The following AK4 variants were observed in gnomAD, a reference collection of about 807,000 sequenced individuals.
AK4 encodes adenylate kinase 4, also known as adenylate kinase 4, mitochondrial.
A neutral mutation model predicts 24.6 loss-of-function variants in AK4; 13 were observed. The ratio of observed to expected loss-of-function variants is 0.53; its 90% confidence interval spans 0.34 to 0.84. AK4 has a LOEUF of 0.84. Ranked by LOEUF, AK4 falls within the 40% of genes least tolerant of loss-of-function variation. AK4 has a pLI of 0.01. For synonymous variants in AK4, 88 were observed against 107.0 expected, an observed-to-expected ratio of 0.82 and a Z score of 1.10; for missense variants, 192 against 288.2, an observed-to-expected ratio of 0.67 and a Z score of 2.42.
intron 1 of AK4, 102 bp downstream of exon 1, chr1:65,148,654 C>T (rs1649654429): frequency 1.4e-6 from 2 of 1,411,498 alleles, no homozygotes; most frequent in African/African-American, 1.5e-5. Context: ...TTCCCCCGCC[C>T]GCGTGTGGTC....
At chr1:65,207,035 C>T (rs1027736386) in intron 2 of AK4, among the ~76,000 whole-genome samples, 5 of 152,190 alleles carry the variant, frequency 3.3e-5, no homozygotes, top group Non-Finnish European at 7.3e-5. Flanking sequence ...CCAAGAATTC[C>T]TACCTGAAAG....
chr1:65,211,537 T>C (rs1168970075), intron 2 of AK4, among the ~76,000 whole-genome samples: 3 of 152,240 alleles, frequency 2.0e-5, no homozygotes, highest in Non-Finnish European at 4.4e-5. Flanking sequence ...TAGCACTTGA[T>C]TTAAAGCTAG....
intron 1 of AK4, among the ~76,000 whole-genome samples, chr1:65,172,063 G>GTGTATATATATATATA (rs1433940516): frequency 9.1e-5 from 6 of 65,768 alleles, no homozygotes; most frequent in Admixed American, 1.8e-4. Flanking sequence ...TCCATCTCAA[G>GTGTATATATATATATA]TATATATATA....
chr1:65,199,558 C>G (rs1200304917), intron 2 of AK4, among the ~76,000 whole-genome samples: 1 of 150,300 alleles, frequency 6.7e-6, no homozygotes, highest in East Asian at 1.9e-4. Context: ...GACTCCATCT[C>G]AAAAAAGAAA....
chr1:65,226,062 G>A lies in AK4; in HGVS notation c.558-1G>A. On this transcript the variant is annotated splice_acceptor_variant, in intron 4 of 4. Coordinates refer to ENST00000327299, the MANE Select transcript of AK4 (RefSeq NM_013410.4). LOFTEE classifies it high-confidence loss of function. ...ATTGTATGTTGGGCTTTGTTTTTCA[G>A]GAGCCGAGGAGTGCTCCACCAATTT... The A allele has an allele frequency of 6.2e-7, 1 of 1,611,976 alleles. No homozygotes were observed.
At chr1:65,152,352 CTCTCTCTCTATATATA>C (rs1252344768) in intron 1 of AK4, among the ~76,000 whole-genome samples, 19 of 42,836 alleles carry the variant, frequency 4.4e-4, no homozygotes, top group East Asian at 2.2e-3. Context: ...CTCTCTCTCT[CTCTCTCTCTATATATA>C]TATATATATA....
intron 1 of AK4, among the ~76,000 whole-genome samples, chr1:65,164,468 A>T (rs991126428): frequency 6.6e-6 from 1 of 152,156 alleles, no homozygotes; most frequent in Non-Finnish European, 1.5e-5. Context: ...TATTGAGTAT[A>T]AAGTGGTGTT....
intron 1 of AK4, among the ~76,000 whole-genome samples, chr1:65,157,940 A>C (rs1487977712): frequency 6.6e-6 from 1 of 152,210 alleles, no homozygotes; most frequent in Non-Finnish European, 1.5e-5. Context: ...CAGCTACAAA[A>C]AGATGGCATG....
chr1:65,200,820 C>A (rs181647592), intron 2 of AK4, among the ~76,000 whole-genome samples: 1 of 148,230 alleles, frequency 6.7e-6, no homozygotes, highest in Non-Finnish European at 1.5e-5. Flanking sequence ...TTTTTTGAGA[C>A]GGAGTCTCGC....
chr1:65,223,681 C>T (rs924232192), intron 3 of AK4, among the ~76,000 whole-genome samples: 7 of 151,994 alleles, frequency 4.6e-5, no homozygotes, highest in Non-Finnish European at 2.9e-5. Context: ...TGCAGAAAAT[C>T]ATATACATTT....
chr1:65,177,453 C>A (rs1168752127), intron 1 of AK4, among the ~76,000 whole-genome samples: 1 of 152,184 alleles, frequency 6.6e-6, no homozygotes, highest in Non-Finnish European at 1.5e-5. Flanking sequence ...CACACAGACA[C>A]CCAGAGGAGA....
chr1:65,158,655 C>G (rs1650054047), intron 1 of AK4, among the ~76,000 whole-genome samples: 1 of 152,072 alleles, frequency 6.6e-6, no homozygotes, highest in African/African-American at 2.4e-5. Flanking sequence ...CTCCTGCCAC[C>G]ATGACCTGCT....
At chr1:65,190,302 T>C (rs1287961074) in intron 1 of AK4, among the ~76,000 whole-genome samples, 2 of 151,772 alleles carry the variant, frequency 1.3e-5, no homozygotes, top group Non-Finnish European at 1.5e-5. Flanking sequence ...TTGCCCAGGC[T>C]GGCATTCAGT....
chr1:65,148,406 C>G lies in AK4; in HGVS notation c.-2C>G. 1 of 1,537,418 alleles carries G rather than the reference C, an allele frequency of 6.5e-7. No individual in the cohort carries two copies. Among genetic ancestry groups the G allele is most frequent in the South Asian group, 1.2e-5 (1 of 82,138 alleles). ...TTGACCGCCCCCCTCCTCGCGAAGGCAATGGCTTCCAAACTCCTGCGCGCG... is the reference window on the plus strand; with the variant it reads ...TTGACCGCCCCCCTCCTCGCGAAGGGAATGGCTTCCAAACTCCTGCGCGCG... On this transcript the variant is annotated 5_prime_UTR_variant, in exon 1 of 5. Transcript: ENST00000327299.
At chr1:65,163,962 A>G (rs1347521408) in intron 1 of AK4, among the ~76,000 whole-genome samples, 1 of 152,114 alleles carries the variant, frequency 6.6e-6, no homozygotes, top group East Asian at 1.9e-4. Flanking sequence ...CAGCTGATCC[A>G]GTGAGTGCAG....
chr1:65,190,552 T>C (rs1651272414), intron 1 of AK4, among the ~76,000 whole-genome samples, 158 bp from the exon 2 acceptor site: 1 of 152,212 alleles, frequency 6.6e-6, no homozygotes, highest in Non-Finnish European at 1.5e-5. Flanking sequence ...TCCCACCTTA[T>C]TGACGTGAAT....
At chr1:65,162,387 G>A (rs538881907) in intron 1 of AK4, among the ~76,000 whole-genome samples, 1 of 152,274 alleles carries the variant, frequency 6.6e-6, no homozygotes, top group Admixed American at 6.5e-5. Flanking sequence ...AGCGGAGGCT[G>A]GAAAGGTAGG....
chr1:65,167,116 GAGAA>G (rs568104542), intron 1 of AK4, among the ~76,000 whole-genome samples: 2 of 151,846 alleles, frequency 1.3e-5, no homozygotes, highest in East Asian at 3.9e-4. Context: ...CTGGGTGACA[GAGAA>G]AGACTCTCTC....
Position 65,231,739 on chromosome 1 carries a change from G to A in AK4, c.*5562G>A, listed in dbSNP as rs1046469811. 4.6e-5 allele frequency: 7 copies of A among 152,198 alleles called. No homozygotes were observed. The East Asian group carries it at 1.3e-3, about 29-fold the overall frequency. The allele number at this position is 152,198 out of a possible 1,614,324, so 9.4% of individuals were successfully genotyped here. Reference sequence around the variant, plus strand: ...GCTTAAAGGGCTTTTCTAGTTTTATGAGAATTTGTACTACTGATTTTTATA... The same window carrying A: ...GCTTAAAGGGCTTTTCTAGTTTTATAAGAATTTGTACTACTGATTTTTATA... On this transcript the variant is annotated 3_prime_UTR_variant, in exon 5 of 5. Transcript: ENST00000327299.
Sources: gnomAD v4.1 joint callset for allele counts (sites outside exome capture counted in the v4.1 genomes callset) on GRCh38, gnomAD v4.1.1 for gene constraint, MANE v1.5 for transcripts, NCBI Gene and HGNC (gene_info 2026-07-23, HGNC 2026-07-21) for gene names.